Variants in MRM1 observed in about 807,000 individuals in gnomAD.
MRM1 encodes mitochondrial rRNA methyltransferase 1, also known as rRNA methyltransferase 1, mitochondrial.
A neutral mutation model predicts 25.0 loss-of-function variants in MRM1; 24 were observed. That is an observed-to-expected ratio of 0.96 (90% CI 0.69 to 1.35). The LOEUF (loss-of-function observed/expected upper bound fraction) is 1.35. MRM1 is among the 40% of genes most tolerant of loss of function. The pLI, the probability that MRM1 is intolerant of heterozygous loss-of-function variation, is 0.00. For synonymous variants in MRM1, 188 were observed against 199.2 expected (o/e 0.94, Z 0.47); for missense variants, 431 against 464.1 (o/e 0.93, Z 0.65).
chr17:36,628,160 T>C, the MRM1 span, among the ~76,000 whole-genome samples: 2,339 of 152,306 alleles, frequency 0.015, 31 homozygotes, highest in Middle Eastern at 0.034. Context: ...AAAATGTGTA[T>C]GTATATATTT....
In MRM1 at chr17:36,602,708, G is replaced by A. The variant is rs1023323170; in HGVS notation, c.636+62G>A. ...CCCAGCTCAGCCTCTTCAAGGGGAC[G>A]AAGCTAGCCCCTGGCGAGGGAGAGA... On this transcript the variant is annotated intron_variant, in intron 2 of 4. Coordinates refer to ENST00000614766, the MANE Select transcript of MRM1 (RefSeq NM_024864.5). This position sits in a 1 kb window ranked among gnomAD's most constrained non-coding sequence, Gnocchi z 4.1. The A allele has an allele frequency of 5.7e-6, 9 of 1,577,270 alleles. No homozygotes were observed. Among genetic ancestry groups the A allele is most frequent in the Non-Finnish European group, 7.8e-6 (9 of 1,147,132 alleles).
Position 36,602,338 on chromosome 17 carries a change from C to T in MRM1, c.528C>T (p.Thr176=). 6.4e-7 allele frequency: 1 copy of T among 1,561,246 alleles called. No individual in the cohort carries two copies. Among genetic ancestry groups the T allele is most frequent in the Non-Finnish European group, 8.7e-7 (1 of 1,150,496 alleles). Reference sequence around the variant, plus strand: ...TCCTCGGAGTGGATAAGGTCATCACCAGCCGGAGAAACAGGCACGGACGTC... The same window carrying T: ...TCCTCGGAGTGGATAAGGTCATCACTAGCCGGAGAAACAGGCACGGACGTC... ...AHFLGVDKVI[T]SRRNSCPLTP... The change falls in exon 1 of 5, where the codon ACC becomes ACT. Residue 176 remains threonine, a synonymous_variant. Transcript: ENST00000614766. This position sits in a 1 kb window ranked among gnomAD's most constrained non-coding sequence, Gnocchi z 4.1.
At chr17:36,617,029 G>C in the MRM1 span, among the ~76,000 whole-genome samples, 11 of 151,864 alleles carry the variant, frequency 7.2e-5, no homozygotes, top group South Asian at 1.2e-3. Context: ...CAGGCTTTCC[G>C]AGCTACCTTG....
chr17:36,617,763 C>T, the MRM1 span, among the ~76,000 whole-genome samples: 1 of 152,142 alleles, frequency 6.6e-6, no homozygotes, highest in Non-Finnish European at 1.5e-5. Flanking sequence ...TTTGCCCTTC[C>T]TAGCCTGGGG....
the MRM1 span, among the ~76,000 whole-genome samples, chr17:36,630,661 A>T: frequency 6.6e-6 from 1 of 151,948 alleles, no homozygotes; most frequent in Non-Finnish European, 1.5e-5. Flanking sequence ...TGGTGAATTG[A>T]CTTCCCGGTC....
chr17:36,617,015 C>T, the MRM1 span, among the ~76,000 whole-genome samples: 15 of 151,702 alleles, frequency 9.9e-5, no homozygotes, highest in African/African-American at 3.1e-4. Context: ...CATGAACCAC[C>T]GCCCAGGCTT....
At chr17:36,610,422 C>T (rs1475905216), downstream of MRM1, among the ~76,000 whole-genome samples, 1 of 151,974 alleles carries the variant, frequency 6.6e-6, no homozygotes. Context: ...TTCATAGAGA[C>T]GGGGTTTCAC....
chr17:36,620,598 A>T, the MRM1 span, among the ~76,000 whole-genome samples: 2 of 152,192 alleles, frequency 1.3e-5, no homozygotes, highest in Non-Finnish European at 2.9e-5. Flanking sequence ...ATCACTCAGA[A>T]TATTTCACAG....
At chr17:36,620,563 C>T in the MRM1 span, among the ~76,000 whole-genome samples, 56 of 152,212 alleles carry the variant, frequency 3.7e-4, 1 homozygote, top group Admixed American at 3.7e-3. Flanking sequence ...CTCCCTGTCA[C>T]TAGAGTTGTG....
At chr17:36,628,927 G>C in the MRM1 span, among the ~76,000 whole-genome samples, 1 of 152,110 alleles carries the variant, frequency 6.6e-6, no homozygotes, top group South Asian at 2.1e-4. Flanking sequence ...GATGGAGAGA[G>C]AGAGAGAGGA....
In MRM1 at chr17:36,602,304, C is replaced by T; in HGVS notation, c.494C>T (p.Ser165Phe). Residue 165 changes from serine to phenylalanine, a missense_variant, in exon 1 of 5, where the codon TCC (serine) becomes TTC (phenylalanine). By Grantham distance (155) the Ser-to-Phe change is radical. Transcript: ENST00000614766. The surrounding 1 kb of genome is among the most constrained non-coding windows in gnomAD (Gnocchi z 4.1). Reference sequence around the variant, plus strand: ...CGGAATTTTGGGGCTGTGCTGCGTTCCGCACACTTCCTCGGAGTGGATAAG... The same window carrying T: ...CGGAATTTTGGGGCTGTGCTGCGTTTCGCACACTTCCTCGGAGTGGATAAG... ...DPRNFGAVLR[S>F]AHFLGVDKVI... The T allele has an allele frequency of 3.8e-6, 6 of 1,590,406 alleles. No individual in the cohort carries two copies. The highest frequency in any genetic ancestry group is 5.2e-6 in the Non-Finnish European group (6 of 1,164,134).
downstream of MRM1, among the ~76,000 whole-genome samples, chr17:36,612,127 C>A (rs573163610): frequency 4.2e-4 from 64 of 152,272 alleles, no homozygotes; most frequent in Non-Finnish European, 7.2e-4. Flanking sequence ...CCCCCACAGA[C>A]TCCTCCATGG....
chr17:36,630,040 G>A, the MRM1 span, among the ~76,000 whole-genome samples: 1 of 152,208 alleles, frequency 6.6e-6, no homozygotes, highest in African/African-American at 2.4e-5. Context: ...CCCTGTTTAG[G>A]CATGTGACCT....
At chr17:36,628,746 C>T in the MRM1 span, among the ~76,000 whole-genome samples, 1 of 152,154 alleles carries the variant, frequency 6.6e-6, no homozygotes, top group South Asian at 2.1e-4. Flanking sequence ...CTTGTTATTT[C>T]ACACAATGCT....
Position 36,608,373 on chromosome 17 carries a change from G to T in MRM1, c.1020G>T (p.Gly340=). 1 of 1,599,914 alleles carries T rather than the reference G, an allele frequency of 6.3e-7. No homozygotes were observed. The change falls in exon 5 of 5, where the codon GGG becomes GGT. Residue 340 remains glycine, a synonymous_variant. Coordinates refer to ENST00000614766, the MANE Select transcript of MRM1 (RefSeq NM_024864.5). ...SEGLSMAQHP[G]LSSGPEKERQ... Reference sequence around the variant, plus strand: ...GGCTCAGCATGGCTCAGCACCCAGGGCTGTCTTCAGGCCCAGAGAAAGAGA... The same window carrying T: ...GGCTCAGCATGGCTCAGCACCCAGGTCTGTCTTCAGGCCCAGAGAAAGAGA...
downstream of MRM1, among the ~76,000 whole-genome samples, chr17:36,611,479 C>T (rs895768209): frequency 5.3e-5 from 8 of 152,142 alleles, no homozygotes; most frequent in East Asian, 7.7e-4. Flanking sequence ...CCAGGACTAG[C>T]GCACAATAAT....
the MRM1 span, among the ~76,000 whole-genome samples, chr17:36,625,462 C>CTTTTTTTTTTTTTTTT: frequency 6.9e-4 from 70 of 102,006 alleles, 10 homozygotes; most frequent in African/African-American, 2.6e-3. Flanking sequence ...CCTCCTCCTC[C>CTTTTTTTTTTTTTTTT]TTTTTTTTTT....
the MRM1 span, among the ~76,000 whole-genome samples, chr17:36,627,674 GTTTTTTTTTTTTTT>G: frequency 1.2e-5 from 1 of 83,728 alleles, no homozygotes; most frequent in Non-Finnish European, 2.2e-5. Context: ...TTTGGACACT[GTTTTTTTTTTTTTT>G]TTTTTTTTTT....
chr17:36,605,787 A>T (rs1285209423), intron 2 of MRM1, among the ~76,000 whole-genome samples: 5 of 151,976 alleles, frequency 3.3e-5, no homozygotes, highest in Admixed American at 6.6e-5. Flanking sequence ...TTTCCGTATT[A>T]TCACCATTTC....
Sources: gnomAD v4.1 joint callset for allele counts (sites outside exome capture counted in the v4.1 genomes callset) on GRCh38, gnomAD v4.1.1 for gene constraint, Gnocchi (gnomAD v3.1) non-coding constraint, MANE v1.5 for transcripts, NCBI Gene and HGNC (gene_info 2026-07-23, HGNC 2026-07-21) for gene names.